The following NXPE4 variants were observed in gnomAD, a reference collection of about 807,000 sequenced individuals.
The protein encoded by NXPE4 is NXPE family member 4.
In NXPE4, 42 loss-of-function variants were observed where a neutral mutation model predicts 33.3. The ratio of observed to expected loss-of-function variants is 1.26; its 90% CI spans 0.98 to 1.63. NXPE4 has a LOEUF of 1.63. Ranked by LOEUF, NXPE4 falls within the 40% of genes most tolerant of loss-of-function variation. The probability of loss-of-function intolerance (pLI) is 0.00; values close to 1 mark genes in which losing one functional copy is unlikely to be tolerated. For synonymous variants in NXPE4, 253 were observed against 234.9 expected (o/e 1.08, Z -0.71); for missense variants, 709 against 647.6 (o/e 1.09, Z -1.03).
chr11:114,671,086 T>G, the NXPE4 span, among the ~76,000 whole-genome samples: 1 of 147,294 alleles, frequency 6.8e-6, no homozygotes, highest in Non-Finnish European at 1.5e-5. Context: ...AATATATATA[T>G]AAATATATAT....
chr11:114,645,553 T>A, the NXPE4 span, among the ~76,000 whole-genome samples: 1 of 152,144 alleles, frequency 6.6e-6, no homozygotes, highest in Non-Finnish European at 1.5e-5. Context: ...AATTTTTGAA[T>A]TTCAGTGCAA....
chr11:114,654,553 A>C, the NXPE4 span, among the ~76,000 whole-genome samples: 2 of 151,930 alleles, frequency 1.3e-5, no homozygotes, highest in African/African-American at 4.8e-5. Context: ...ACTCCCACTT[A>C]TGAGTGAGAA....
the NXPE4 span, among the ~76,000 whole-genome samples, chr11:114,663,690 C>T: frequency 5.4e-5 from 8 of 147,150 alleles, no homozygotes; most frequent in Non-Finnish European, 2.9e-5. Flanking sequence ...ATCTATCTAT[C>T]TATCTATCTA....
At chr11:114,665,354 A>G in the NXPE4 span, among the ~76,000 whole-genome samples, 1 of 152,178 alleles carries the variant, frequency 6.6e-6, no homozygotes, top group East Asian at 1.9e-4. Flanking sequence ...ATGATCTATT[A>G]ACAATGATGT....
chr11:114,577,058 C>T (rs7938484), intron 5 of NXPE4, among the ~76,000 whole-genome samples: 4,546 of 29,542 alleles, frequency 0.15, 448 homozygotes, highest in African/African-American at 0.43. Context: ...TATATATATA[C>T]ATATATATAT....
chr11:114,597,270 A>C (rs1166003669), upstream of NXPE4, among the ~76,000 whole-genome samples: 1 of 152,188 alleles, frequency 6.6e-6, no homozygotes, highest in African/African-American at 2.4e-5. Context: ...GGAGGAAAAA[A>C]AGAAGTGGAA....
the NXPE4 span, among the ~76,000 whole-genome samples, chr11:114,662,112 A>G: frequency 6.6e-6 from 1 of 152,180 alleles, no homozygotes; most frequent in Non-Finnish European, 1.5e-5. Flanking sequence ...TTTTAACTCC[A>G]TATCACTGAA....
the NXPE4 span, among the ~76,000 whole-genome samples, chr11:114,671,056 TA>T: frequency 6.8e-6 from 1 of 147,782 alleles, no homozygotes; most frequent in African/African-American, 2.5e-5. Flanking sequence ...TATAAAAATA[TA>T]AATATATACA....
intron 5 of NXPE4, among the ~76,000 whole-genome samples, chr11:114,574,393 T>A (rs1014151842): frequency 2.0e-5 from 3 of 151,078 alleles, no homozygotes; most frequent in Non-Finnish European, 4.4e-5. Flanking sequence ...ACAAAAGTAA[T>A]ACAAAAATAA....
At chr11:114,588,632 A>T (rs112168793) in intron 2 of NXPE4, among the ~76,000 whole-genome samples, 86 of 152,268 alleles carry the variant, frequency 5.6e-4, no homozygotes, top group African/African-American at 2.0e-3. Context: ...CTTGTTTGGA[A>T]CCCCAGTGAC....
the NXPE4 span, among the ~76,000 whole-genome samples, chr11:114,639,138 C>A: frequency 3.9e-5 from 6 of 152,208 alleles, no homozygotes; most frequent in African/African-American, 1.4e-4. Flanking sequence ...AGCTTCCCGG[C>A]TGCTTTGTTT....
chr11:114,606,610 C>A, the NXPE4 span, among the ~76,000 whole-genome samples: 1 of 151,846 alleles, frequency 6.6e-6, no homozygotes, highest in Non-Finnish European at 1.5e-5. Flanking sequence ...ACCACTGTTA[C>A]CTGGTGGATA....
At chr11:114,626,495 G>A in the NXPE4 span, among the ~76,000 whole-genome samples, 1 of 152,150 alleles carries the variant, frequency 6.6e-6, no homozygotes, top group Non-Finnish European at 1.5e-5. Flanking sequence ...CTAACAGAAA[G>A]GACATCCACA....
the NXPE4 span, among the ~76,000 whole-genome samples, chr11:114,618,814 G>A: frequency 2.6e-5 from 4 of 152,102 alleles, 1 homozygote; most frequent in South Asian, 8.3e-4. Context: ...TTACCCAGTG[G>A]ATAGTAAGTA....
At chr11:114,588,663 G>A (rs1336388904) in intron 2 of NXPE4, among the ~76,000 whole-genome samples, 2 of 152,116 alleles carry the variant, frequency 1.3e-5, no homozygotes, top group East Asian at 1.9e-4. Flanking sequence ...AATAGAAAAG[G>A]AAACACTTTT....
At chr11:114,606,517 C>A in the NXPE4 span, among the ~76,000 whole-genome samples, 3 of 151,136 alleles carry the variant, frequency 2.0e-5, no homozygotes, top group Admixed American at 2.0e-4. Flanking sequence ...TCTAGGGTAA[C>A]CACTGTTACC....
chr11:114,611,366 A>G, the NXPE4 span, among the ~76,000 whole-genome samples: 1 of 151,556 alleles, frequency 6.6e-6, no homozygotes, highest in East Asian at 2.0e-4. Flanking sequence ...TACCCGGTGG[A>G]TAATAAGTGT....
the NXPE4 span, among the ~76,000 whole-genome samples, chr11:114,607,029 AC>A: frequency 6.6e-6 from 1 of 151,918 alleles, no homozygotes; most frequent in African/African-American, 2.4e-5. Context: ...AATCACGGTT[AC>A]CCAGTGGATA....
the NXPE4 span, among the ~76,000 whole-genome samples, chr11:114,619,817 T>G: frequency 6.4e-5 from 9 of 140,218 alleles, no homozygotes; most frequent in East Asian, 6.7e-4. Flanking sequence ...GTTACCCAGT[T>G]TATAATAAGT....
Sources: allele counts gnomAD v4.1 joint callset (sites outside exome capture counted in the v4.1 genomes callset), GRCh38; gene constraint gnomAD v4.1.1; transcripts MANE v1.5; gene names NCBI Gene and HGNC (gene_info 2026-07-23, HGNC 2026-07-21).